Variants in TEP1 observed in about 807,000 individuals in gnomAD.
TEP1 encodes telomerase associated protein 1.
Under a neutral mutation model 306.3 loss-of-function variants are expected in TEP1, and 241 were observed. The ratio of observed to expected loss-of-function variants is 0.79; its 90% CI spans 0.71 to 0.88. The LOEUF (loss-of-function observed/expected upper bound fraction) is 0.88. TEP1 is among the 40% of genes least tolerant of loss of function. The pLI, the probability that TEP1 is intolerant of heterozygous loss-of-function variation, is 0.00. For missense variants in TEP1, 3,051 were observed against 3,276.1 expected (o/e 0.93, Z 1.68); for synonymous variants, 1,289 against 1,305.5 (o/e 0.99, Z 0.27).
chr14:20,412,898 G>A (rs1879786288), intron 1 of TEP1, among the ~76,000 whole-genome samples: 1 of 151,814 alleles, frequency 6.6e-6, no homozygotes, highest in Admixed American at 6.6e-5. Context: ...GACCTCAGGT[G>A]ATCCCCAACC....
chr14:20,391,589 G>T lies in TEP1; in HGVS notation c.2097+10C>A, dbSNP rs1378264946. 1.2e-6 allele frequency: 2 copies of T among 1,605,684 alleles called. No homozygotes were observed. Among genetic ancestry groups the T allele is most frequent in the African/African-American group, 1.3e-5 (1 of 74,650 alleles). On this transcript the variant is annotated intron_variant, in intron 13 of 54. Coordinates refer to ENST00000262715, the MANE Select transcript of TEP1 (RefSeq NM_007110.5). ...CCCAACCCCTTGGAGGATGCTTTTT[G>T]TTTTCTTACCCCTTGTGGGTTGCTC...
At chr14:20,371,062 C>T (rs1254358293) in intron 51 of TEP1, among the ~76,000 whole-genome samples, 156 bp downstream of exon 51, 1 of 152,330 alleles carries the variant, frequency 6.6e-6, no homozygotes, top group Middle Eastern at 3.4e-3. Flanking sequence ...ACCCAATACA[C>T]AATGTCCTAA....
At position 20,384,021 on chromosome 14, in the gene TEP1, C is replaced by A. The variant is rs963313961; in HGVS notation, c.3534+17G>T. The A allele has an allele frequency of 2.5e-6, 4 of 1,591,838 alleles. No individual in the cohort carries two copies. The highest frequency in any genetic ancestry group is 1.7e-5 in the Admixed American group (1 of 58,456). On this transcript the variant is annotated intron_variant, in intron 24 of 54. Transcript: ENST00000262715. Reference sequence around the variant, plus strand: ...CAGCCTTCCCTCCCTCCTGCCCAGGCCCCTGAGACTCTGTACCAGGAAGGC... The same window carrying A: ...CAGCCTTCCCTCCCTCCTGCCCAGGACCCTGAGACTCTGTACCAGGAAGGC...
intron 5 of TEP1, 102 bp from the exon 6 acceptor site, chr14:20,403,986 G>T: frequency 6.7e-7 from 1 of 1,484,902 alleles, no homozygotes. Flanking sequence ...ACAGAGTAGC[G>T]AGCAAGTTCC....
intron 39 of TEP1, 132 bp downstream of exon 39, chr14:20,377,892 C>T: frequency 6.9e-7 from 1 of 1,455,324 alleles, no homozygotes; most frequent in South Asian, 1.2e-5. Flanking sequence ...ACAGCGGCAC[C>T]CCTCTCCCCG....
At chr14:20,377,973 T>C in intron 39 of TEP1, 51 bp downstream of exon 39, 1 of 1,597,612 alleles carries the variant, frequency 6.3e-7, no homozygotes. Context: ...AGATATTCTT[T>C]GCCTTTGCTA....
chr14:20,395,272 C>G (rs1486715697), intron 12 of TEP1, among the ~76,000 whole-genome samples, 178 bp downstream of exon 12: 1 of 152,168 alleles, frequency 6.6e-6, no homozygotes, highest in Non-Finnish European at 1.5e-5. Context: ...CATGATCTCT[C>G]TTTAGGACAA....
At chr14:20,394,169 T>A (rs970874902) in intron 12 of TEP1, among the ~76,000 whole-genome samples, 1 of 152,096 alleles carries the variant, frequency 6.6e-6, no homozygotes. Flanking sequence ...CTCAAATTCC[T>A]GAGCTCAAGA....
intron 21 of TEP1, 90 bp from the exon 22 acceptor site, chr14:20,384,803 AAGCTCCTCAAGTAGAG>A: frequency 6.7e-7 from 1 of 1,485,632 alleles, no homozygotes; most frequent in Non-Finnish European, 9.2e-7. Context: ...TAATTTCCTG[AAGCTCCTCAAGTAGAG>A]AGCTCCTGAC....
chr14:20,380,620 C>T (rs1262887130), intron 33 of TEP1, 145 bp from the exon 34 acceptor site: 18 of 1,344,436 alleles, frequency 1.3e-5, no homozygotes, highest in Non-Finnish European at 1.7e-5. Flanking sequence ...CTTAAAAGTA[C>T]AAAGCTTTGA....
chr14:20,391,813 G>A, intron 12 of TEP1, 46 bp from the exon 13 acceptor site: 1 of 1,598,620 alleles, frequency 6.3e-7, no homozygotes, highest in Non-Finnish European at 8.6e-7. Context: ...GGACTTATCT[G>A]CCCCTTAGAG....
At chr14:20,374,691 T>A (rs1356848613) in intron 43 of TEP1, among the ~76,000 whole-genome samples, 155 bp from the exon 44 acceptor site, 2 of 152,178 alleles carry the variant, frequency 1.3e-5, no homozygotes, top group Non-Finnish European at 2.9e-5. Flanking sequence ...ACTTTCTGCT[T>A]TGTGGTCTGT....
intron 2 of TEP1, 91 bp downstream of exon 2, chr14:20,407,782 C>A: frequency 8.5e-7 from 1 of 1,176,286 alleles, no homozygotes; most frequent in South Asian, 1.5e-5. Context: ...AGACACAGAG[C>A]AGCACAGAGG....
chr14:20,401,690 T>G (rs2139174413), intron 7 of TEP1, 109 bp from the exon 8 acceptor site: 3 of 1,482,482 alleles, frequency 2.0e-6, no homozygotes, highest in Non-Finnish European at 2.7e-6. Context: ...GGTAATTTCT[T>G]TCTTCAAAAT....
rs1488309717 is a variant in TEP1 at position 20,368,538 on chromosome 14, C to T, written c.7783G>A (p.Gly2595Arg). The T allele has an allele frequency of 6.2e-7, 1 of 1,614,186 alleles. No individual in the cohort carries two copies. The highest frequency in any genetic ancestry group is 1.1e-5 in the South Asian group (1 of 91,082). Residue 2595 changes from glycine to arginine, a missense_variant, in exon 55 of 55, where the codon GGG (glycine) becomes AGG (arginine). By Grantham distance (125) the Gly-to-Arg change is moderately radical. Around this residue, in one of 3 missense-constraint regions of TEP1, gnomAD observed 1,540 missense variants for 1,705.9 expected, o/e 0.90. Transcript: ENST00000262715. ...CAAGGTTCCAGGCAGCTCACTGACCCTTCGCATCGGAACAGGCCCAGCTAC... is the reference window on the plus strand; with the variant it reads ...CAAGGTTCCAGGCAGCTCACTGACCTTTCGCATCGGAACAGGCCCAGCTAC... ...MQLLGLFRCE[G>R]SVSCLEPWLG...
In TEP1 at chr14:20,385,045, T is replaced by C. The variant is rs750133308; in HGVS notation, c.3047A>G (p.Asn1016Ser). 6.8e-6 allele frequency: 11 copies of C among 1,614,100 alleles called. No homozygotes were observed. Among genetic ancestry groups the C allele is most frequent in the Non-Finnish European group, 9.3e-6 (11 of 1,180,000 alleles). The change falls in exon 21 of 55, where the codon AAC becomes AGC. Residue 1016 changes from asparagine (N) to serine (S), a missense_variant. By Grantham distance (46) the Asn-to-Ser change is conservative (BLOSUM62 1). This residue lies in a region of TEP1 where 1,507 missense variants were observed against 1,550.5 expected (regional missense o/e 0.97). Coordinates refer to ENST00000262715, the MANE Select transcript of TEP1 (RefSeq NM_007110.5). Reference sequence around the variant, plus strand: ...TTGGGCAGAGGGCTGCAGACGTTGGTTCCGGTTCAGGAACTGCATCACCTC... The same window carrying C: ...TTGGGCAGAGGGCTGCAGACGTTGGCTCCGGTTCAGGAACTGCATCACCTC... ...EMEVMQFLNR[N>S]QRLQPSAQAL...
At chr14:20,373,656 G>A (rs1228040790) in intron 45 of TEP1, 22 bp downstream of exon 45, 3 of 1,614,082 alleles carry the variant, frequency 1.9e-6, no homozygotes, top group Non-Finnish European at 1.7e-6. Context: ...CAGGGAAGGG[G>A]AGGTGGCTGA....
chr14:20,405,267 G>A (rs752349458), intron 4 of TEP1, among the ~76,000 whole-genome samples, 184 bp downstream of exon 4: 14 of 152,096 alleles, frequency 9.2e-5, no homozygotes, highest in Non-Finnish European at 1.8e-4. Flanking sequence ...ACCAAGTCTA[G>A]TATACTCTTT....
rs776371518 is a variant in TEP1, at chr14:20,407,922, A to G, written c.518T>C (p.Ile173Thr). ...TGTGGCAGAGATGGATTTCAGGGCT[A>G]TAGGGCAGGTTGAAAGGTCTAGTCC... is the stretch of plus-strand genomic sequence containing the variant. Reference protein sequence around the residue: ...SKGLDLSTCPIALKSISATET... With the variant: ...SKGLDLSTCPTALKSISATET... Residue 173 changes from isoleucine (I) to threonine (T), a missense_variant, in exon 2 of 55, where the codon ATA becomes ACA. This residue lies in a region of TEP1 where 1,507 missense variants were observed against 1,550.5 expected (regional missense o/e 0.97). Transcript: ENST00000262715. The G allele has an allele frequency of 6.2e-7, 1 of 1,613,320 alleles. No homozygotes were observed. Among genetic ancestry groups the G allele is most frequent in the South Asian group, 1.1e-5 (1 of 90,988 alleles).
Sources: allele counts gnomAD v4.1 joint callset (sites outside exome capture counted in the v4.1 genomes callset), GRCh38; gene constraint gnomAD v4.1.1; regional missense constraint gnomAD v4.1.1; transcripts MANE v1.5; gene names NCBI Gene and HGNC (gene_info 2026-07-23, HGNC 2026-07-21).